Variants in IQCM observed in about 807,000 individuals in gnomAD.
IQCM encodes IQ motif containing M.
In IQCM, 45 loss-of-function variants were observed where a neutral mutation model predicts 57.6. That is an observed-to-expected ratio of 0.78 (90% CI 0.62 to 1.00). The LOEUF (loss-of-function observed/expected upper bound fraction) is 1.00. Ranked by LOEUF, IQCM falls within the 50% of genes least tolerant of loss-of-function variation. IQCM has a pLI of 0.00. For missense variants in IQCM, 468 were observed against 511.6 expected (o/e 0.91, Z 0.82); for synonymous variants, 148 against 158.9 (o/e 0.93, Z 0.51).
chr4:149,721,327 G>A (rs1765432172), intron 5 of IQCM, among the ~76,000 whole-genome samples: 1 of 151,852 alleles, frequency 6.6e-6, no homozygotes, highest in Admixed American at 6.6e-5. Flanking sequence ...GGCTACAAGT[G>A]GTTTTTGGTT....
intron 12 of IQCM, among the ~76,000 whole-genome samples, chr4:149,462,869 C>T (rs966972368): frequency 6.6e-6 from 1 of 152,190 alleles, no homozygotes; most frequent in African/African-American, 2.4e-5. Flanking sequence ...TGCAGGAGAA[C>T]ATACAAATCT....
At chr4:149,544,573 T>G (rs994407092) in intron 12 of IQCM, among the ~76,000 whole-genome samples, 2 of 152,124 alleles carry the variant, frequency 1.3e-5, no homozygotes, top group Non-Finnish European at 2.9e-5. Context: ...CTATAAAAGT[T>G]CCTGAAAAGC....
At chr4:149,423,728 G>C (rs1043323666) in intron 13 of IQCM, among the ~76,000 whole-genome samples, 5 of 151,886 alleles carry the variant, frequency 3.3e-5, no homozygotes, top group African/African-American at 1.2e-4. Flanking sequence ...ATACATGAGA[G>C]GGAAGATGTT....
intron 13 of IQCM, among the ~76,000 whole-genome samples, chr4:149,400,551 T>A (rs1732547020): frequency 6.6e-6 from 1 of 152,070 alleles, no homozygotes; most frequent in African/African-American, 2.4e-5. Flanking sequence ...CTTAACATAA[T>A]GTTTTTGTTT....
At chr4:149,470,614 C>T (rs1019087429) in intron 12 of IQCM, among the ~76,000 whole-genome samples, 3 of 152,156 alleles carry the variant, frequency 2.0e-5, no homozygotes, top group African/African-American at 7.2e-5. Flanking sequence ...AGCTCTGCAC[C>T]AAGCAGACCT....
chr4:149,774,863 A>C (rs577577129), intron 2 of IQCM, among the ~76,000 whole-genome samples: 1 of 152,202 alleles, frequency 6.6e-6, no homozygotes, highest in African/African-American at 2.4e-5. Flanking sequence ...AGAAGATAGA[A>C]AAATATGTTT....
Position 149,815,304 on chromosome 4 carries a change from C to T in IQCM, c.-49+7G>A, listed in dbSNP as rs766059721. 1 of 151,910 alleles carries T rather than the reference C, an allele frequency of 6.6e-6. No individual in the cohort carries two copies. Among genetic ancestry groups the T allele is most frequent in the Non-Finnish European group, 1.5e-5 (1 of 67,886 alleles). The allele number at this position is 151,910 out of a possible 1,614,324, so 9.4% of individuals were successfully genotyped here. On this transcript the variant is annotated splice_region_variant and intron_variant, in intron 2 of 13. Transcript: ENST00000636793. ...TACAGACAACGTGGTATATTAGTAACTTCTACCTTAAAGTTTTTCATTCCA... is the reference window on the plus strand; with the variant it reads ...TACAGACAACGTGGTATATTAGTAATTTCTACCTTAAAGTTTTTCATTCCA...
At chr4:149,659,151 A>C (rs1050187537) in intron 7 of IQCM, among the ~76,000 whole-genome samples, 39 of 143,700 alleles carry the variant, frequency 2.7e-4, no homozygotes, top group African/African-American at 9.5e-4. Context: ...GGATTCATTA[A>C]CTTTTTGAAG....
At chr4:149,392,418 A>C (rs1193620289) in intron 13 of IQCM, among the ~76,000 whole-genome samples, 1 of 151,980 alleles carries the variant, frequency 6.6e-6, no homozygotes, top group African/African-American at 2.4e-5. Flanking sequence ...TACCATCATC[A>C]TATAATGTTT....
intron 2 of IQCM, among the ~76,000 whole-genome samples, chr4:149,765,169 T>C (rs1769920708): frequency 6.6e-6 from 1 of 152,122 alleles, no homozygotes; most frequent in South Asian, 2.1e-4. Context: ...ATGCATCTTA[T>C]GTACTAGCTA....
In IQCM at chr4:149,682,872, A is replaced by T. The variant is rs149677682; in HGVS notation, c.477-666T>A. Among the ~76,000 whole-genome samples the T allele has an allele frequency of 1.4e-3, 216 of 151,246 alleles. 1 individual carries two copies. The highest frequency in any genetic ancestry group is 2.0e-3 in the Non-Finnish European group (137 of 67,312). On this transcript the variant is annotated intron_variant, in intron 6 of 13. Transcript: ENST00000636793. The stretch of plus-strand genomic sequence containing the variant: ...ATACAGTTCAGATTATTCCAGCTAG[A>T]AATGGGTGGGGTCAGGACTCAAATT...
intron 13 of IQCM, among the ~76,000 whole-genome samples, chr4:149,382,710 A>T (rs1731162362): frequency 6.6e-6 from 1 of 152,162 alleles, no homozygotes; most frequent in Non-Finnish European, 1.5e-5. Flanking sequence ...CCTGCCGAAT[A>T]GAAGGGAATA....
At chr4:149,749,923 C>G (rs887657228) in intron 2 of IQCM, among the ~76,000 whole-genome samples, 3 of 152,066 alleles carry the variant, frequency 2.0e-5, no homozygotes, top group Non-Finnish European at 4.4e-5. Flanking sequence ...TCTTTGTCTT[C>G]CATAAGCCTG....
At chr4:149,687,120 C>A (rs1762596667) in intron 5 of IQCM, among the ~76,000 whole-genome samples, 1 of 151,542 alleles carries the variant, frequency 6.6e-6, no homozygotes, top group Admixed American at 6.6e-5. Flanking sequence ...CTTCTAGCTA[C>A]TAGCTCAGAT....
chr4:149,621,826 GAGATTTA>G (rs55673020), intron 7 of IQCM, among the ~76,000 whole-genome samples: 3,627 of 152,152 alleles, frequency 0.024, 102 homozygotes, highest in South Asian at 0.15. Context: ...TCATAGGAAA[GAGATTTA>G]AGATTTATTT....
chr4:149,406,997 C>T (rs1218795641), intron 13 of IQCM, among the ~76,000 whole-genome samples: 9 of 151,602 alleles, frequency 5.9e-5, no homozygotes, highest in Admixed American at 6.6e-5. Context: ...GCTGGGGAGG[C>T]CTCATGATCA....
At chr4:149,435,482 C>T (rs76825489) in intron 12 of IQCM, among the ~76,000 whole-genome samples, 2 of 151,692 alleles carry the variant, frequency 1.3e-5, no homozygotes, top group East Asian at 3.9e-4. Context: ...ATTTACATTA[C>T]ATTTATTATC....
At chr4:149,522,069 G>A (rs143016721) in intron 12 of IQCM, among the ~76,000 whole-genome samples, 168 of 152,286 alleles carry the variant, frequency 1.1e-3, no homozygotes, top group Middle Eastern at 3.4e-3. Flanking sequence ...CCTCTCACTG[G>A]GGGTGTTACA....
intron 12 of IQCM, among the ~76,000 whole-genome samples, chr4:149,486,952 G>A (rs1741588218): frequency 6.6e-6 from 1 of 152,030 alleles, no homozygotes; most frequent in South Asian, 2.1e-4. Flanking sequence ...GGCACCTAAG[G>A]TACAAGACAA....
Sources: gnomAD v4.1 joint callset for allele counts (sites outside exome capture counted in the v4.1 genomes callset) on GRCh38, gnomAD v4.1.1 for gene constraint, MANE v1.5 for transcripts, NCBI Gene and HGNC (gene_info 2026-07-23, HGNC 2026-07-21) for gene names.